The following GUCY1A2 variants were observed in gnomAD, a reference collection of about 807,000 sequenced individuals.
The protein encoded by GUCY1A2 is guanylate cyclase 1 soluble subunit alpha 2.
In GUCY1A2, 27 loss-of-function variants were observed where a neutral mutation model predicts 63.5. That is an observed-to-expected ratio of 0.43 (90% CI 0.31 to 0.59). GUCY1A2 has a LOEUF of 0.59. Among genes scored for constraint, GUCY1A2 ranks in the 20% least tolerant of loss-of-function variants. GUCY1A2 has a pLI of 0.11. For missense variants in GUCY1A2, 768 were observed against 913.3 expected (o/e 0.84, Z 2.05); for synonymous variants, 364 against 343.5 (o/e 1.06, Z -0.66).
intron 2 of GUCY1A2, 65 bp from the exon 3 acceptor site, chr11:106,978,805 T>G (rs1037125583): frequency 9.2e-7 from 1 of 1,086,386 alleles, no homozygotes; most frequent in Admixed American, 2.0e-5. Context: ...GCAACTCATA[T>G]ACACACGCAC....
intron 4 of GUCY1A2, among the ~76,000 whole-genome samples, chr11:106,922,359 C>T (rs993384888): frequency 1.3e-5 from 2 of 151,880 alleles, no homozygotes; most frequent in African/African-American, 4.8e-5. Flanking sequence ...TTATGCCAGG[C>T]ACTGTACTGG....
At chr11:106,904,896 A>C (rs1229993288) in intron 4 of GUCY1A2, among the ~76,000 whole-genome samples, 1 of 152,118 alleles carries the variant, frequency 6.6e-6, no homozygotes, top group Non-Finnish European at 1.5e-5. Context: ...CTGACTCTTG[A>C]AATGACTCCT....
intron 4 of GUCY1A2, among the ~76,000 whole-genome samples, chr11:106,843,175 T>A (rs1591298933): frequency 6.6e-6 from 1 of 151,874 alleles, no homozygotes; most frequent in African/African-American, 2.4e-5. Flanking sequence ...AAGGAAAACA[T>A]GTAGAATGGA....
At chr11:106,965,985 A>G (rs2120078578) in intron 3 of GUCY1A2, among the ~76,000 whole-genome samples, 1 of 152,294 alleles carries the variant, frequency 6.6e-6, no homozygotes, top group Non-Finnish European at 1.5e-5. Context: ...GTGAAACAGC[A>G]CAAATACTAC....
intron 6 of GUCY1A2, among the ~76,000 whole-genome samples, chr11:106,726,418 G>A (rs1863409247): frequency 1.3e-5 from 2 of 151,908 alleles, no homozygotes; most frequent in African/African-American, 4.8e-5. Flanking sequence ...CTCCATCTCA[G>A]AACAAAACAA....
At chr11:106,787,864 T>C (rs1260152149) in intron 5 of GUCY1A2, among the ~76,000 whole-genome samples, 1 of 152,042 alleles carries the variant, frequency 6.6e-6, no homozygotes, top group Admixed American at 6.5e-5. Flanking sequence ...AGGTATCTCT[T>C]CCATATACTT....
chr11:106,821,865 G>A lies in GUCY1A2; in HGVS notation c.1207-11387C>T, dbSNP rs574638778. Among the ~76,000 whole-genome samples, 254 of 152,148 alleles carry A rather than the reference G, an allele frequency of 1.7e-3. No individual in the cohort carries two copies. In the Middle Eastern group the frequency reaches 0.02, roughly 12 times the overall value. The stretch of plus-strand genomic sequence containing the variant: ...TATCATTAAATTATTATTATTTTAC[G>A]TTAAAATTTATTTGTTCTTCCATTC... On this transcript the variant is annotated intron_variant, in intron 4 of 7. Coordinates refer to ENST00000526355, the MANE Select transcript of GUCY1A2 (RefSeq NM_000855.3).
intron 6 of GUCY1A2, among the ~76,000 whole-genome samples, chr11:106,737,798 T>C (rs965123101): frequency 2.0e-5 from 3 of 152,218 alleles, no homozygotes; most frequent in Admixed American, 6.5e-5. Flanking sequence ...CAGTCTATGA[T>C]TGATGGGCAT....
chr11:106,976,997 T>C (rs1861271491), intron 3 of GUCY1A2, among the ~76,000 whole-genome samples: 1 of 152,146 alleles, frequency 6.6e-6, no homozygotes, highest in Non-Finnish European at 1.5e-5. Context: ...CAAGCCACAG[T>C]CCAACTGCCT....
chr11:106,966,433 A>G (rs1445211222), intron 3 of GUCY1A2, among the ~76,000 whole-genome samples: 2 of 152,072 alleles, frequency 1.3e-5, no homozygotes, highest in African/African-American at 2.4e-5. Context: ...TCTTCACAGC[A>G]TGCATCACTC....
chr11:106,863,027 GC>G (rs1859534916), intron 4 of GUCY1A2, among the ~76,000 whole-genome samples: 1 of 152,046 alleles, frequency 6.6e-6, no homozygotes, highest in Admixed American at 6.6e-5. Context: ...TGACTATGCT[GC>G]CCCCTCTCAC....
At chr11:106,883,647 T>G (rs2135473201) in intron 4 of GUCY1A2, among the ~76,000 whole-genome samples, 1 of 152,276 alleles carries the variant, frequency 6.6e-6, no homozygotes, top group Non-Finnish European at 1.5e-5. Context: ...AAATTTAGGC[T>G]TGTATATGCT....
At chr11:106,732,917 CCT>C (rs1252135232) in intron 6 of GUCY1A2, among the ~76,000 whole-genome samples, 1 of 152,076 alleles carries the variant, frequency 6.6e-6, no homozygotes, top group Non-Finnish European at 1.5e-5. Flanking sequence ...CCTTACTTTC[CCT>C]GTCTCATTCA....
intron 5 of GUCY1A2, among the ~76,000 whole-genome samples, chr11:106,802,017 T>C (rs773776964): frequency 2.0e-5 from 3 of 152,194 alleles, no homozygotes; most frequent in Non-Finnish European, 4.4e-5. Flanking sequence ...CTTTCAGAAA[T>C]TTTCACTTTT....
chr11:106,834,766 A>C (rs1258219515), intron 4 of GUCY1A2, among the ~76,000 whole-genome samples: 4 of 152,040 alleles, frequency 2.6e-5, no homozygotes, highest in Non-Finnish European at 1.5e-5. Context: ...GCGCATACTT[A>C]AGATAGGATA....
chr11:106,848,234 T>C (rs1490875440), intron 4 of GUCY1A2, among the ~76,000 whole-genome samples: 1 of 151,624 alleles, frequency 6.6e-6, no homozygotes, highest in Non-Finnish European at 1.5e-5. Flanking sequence ...TGTATGTCAA[T>C]ATAAATAGGT....
At chr11:106,766,673 A>G (rs1040993634) in intron 6 of GUCY1A2, among the ~76,000 whole-genome samples, 4 of 152,110 alleles carry the variant, frequency 2.6e-5, no homozygotes, top group African/African-American at 7.2e-5. Flanking sequence ...AACTAAATCA[A>G]TAGTGTGATT....
chr11:106,867,205 C>A (rs935573037), intron 4 of GUCY1A2, among the ~76,000 whole-genome samples: 6 of 151,944 alleles, frequency 3.9e-5, no homozygotes, highest in Non-Finnish European at 7.4e-5. Context: ...CAAAAATGTA[C>A]AATTTATTTT....
chr11:106,706,653 C>T (rs1189020951), intron 7 of GUCY1A2, among the ~76,000 whole-genome samples: 2 of 140,532 alleles, frequency 1.4e-5, no homozygotes, highest in Non-Finnish European at 3.0e-5. Flanking sequence ...TTCTTTTACA[C>T]ATCTTTTTTT....
Sources: allele counts gnomAD v4.1 joint callset (sites outside exome capture counted in the v4.1 genomes callset), GRCh38; gene constraint gnomAD v4.1.1; transcripts MANE v1.5; gene names NCBI Gene and HGNC (gene_info 2026-07-23, HGNC 2026-07-21).